Variants in C16orf46 observed in about 807,000 individuals in gnomAD.
The protein encoded by C16orf46 is chromosome 16 open reading frame 46.
In C16orf46, 7 loss-of-function variants were observed where a neutral mutation model predicts 5.5. The ratio of observed to expected loss-of-function variants is 1.28; its 90% CI spans 0.73 to 2.40. The LOEUF (loss-of-function observed/expected upper bound fraction) is 2.40. C16orf46 is among the 30% of genes most tolerant of loss of function. The pLI is 0.00. For missense variants in C16orf46, 614 were observed against 476.0 expected, an observed-to-expected ratio of 1.29 and a Z score of -2.70; for synonymous variants, 200 against 184.1, an observed-to-expected ratio of 1.09 and a Z score of -0.70.
At chr16:81,067,482 T>C (rs932830617) in intron 1 of C16orf46, among the ~76,000 whole-genome samples, 2 of 152,214 alleles carry the variant, frequency 1.3e-5, no homozygotes, top group Non-Finnish European at 2.9e-5. Context: ...TGTGGAATAA[T>C]GATAGAAGCC....
chr16:81,075,039 G>C (rs2151760652), intron 1 of C16orf46, among the ~76,000 whole-genome samples: 1 of 152,270 alleles, frequency 6.6e-6, no homozygotes, highest in Non-Finnish European at 1.5e-5. Context: ...CGTTGAGAAG[G>C]ATGGGTAAAG....
At chr16:81,060,392 T>A (rs890520144), downstream of C16orf46, 2 of 152,568 alleles carry the variant, frequency 1.3e-5, no homozygotes, top group African/African-American at 4.8e-5. Flanking sequence ...CACCACAAAC[T>A]CTGCCTCCCG....
chr16:81,064,322 C>A (rs1303060745), intron 2 of C16orf46, among the ~76,000 whole-genome samples: 2 of 147,098 alleles, frequency 1.4e-5, no homozygotes, highest in African/African-American at 5.0e-5. Context: ...TGAGATTGGC[C>A]ACTGCACTCC....
At chr16:81,062,879 C>CTTTTTTTTTTTTTTTTTTTTT (rs35694573) in intron 3 of C16orf46, among the ~76,000 whole-genome samples, 1 of 138,368 alleles carries the variant, frequency 7.2e-6, no homozygotes. Context: ...TAGTTTTATG[C>CTTTTTTTTTTTTTTTTTTTTT]TTTTTTTTTT....
chr16:81,059,888 A>G (rs770255709), downstream of C16orf46, among the ~76,000 whole-genome samples: 7 of 151,238 alleles, frequency 4.6e-5, no homozygotes, highest in Non-Finnish European at 1.0e-4. Context: ...TCCTGGGTTC[A>G]CGCCATTCTC....
intron 1 of C16orf46, 51 bp downstream of exon 1, chr16:81,077,085 A>C (rs575815516): frequency 6.6e-6 from 1 of 152,312 alleles, no homozygotes; most frequent in South Asian, 2.1e-4. Context: ...TCGCCTTTGG[A>C]GTGGTCCCGG....
chr16:81,064,577 A>T (rs930217183), intron 2 of C16orf46, among the ~76,000 whole-genome samples: 1 of 151,582 alleles, frequency 6.6e-6, no homozygotes, highest in Non-Finnish European at 1.5e-5. Flanking sequence ...GCGAAACCCC[A>T]TCTCTACCAA....
At chr16:81,062,957 G>C (rs1417958024) in intron 3 of C16orf46, among the ~76,000 whole-genome samples, 11 of 148,064 alleles carry the variant, frequency 7.4e-5, no homozygotes, top group Admixed American at 6.9e-4. Context: ...TTAAGAGTAA[G>C]CCTGCAGACC....
chr16:81,077,019 C>T (rs1170139185), intron 1 of C16orf46, 117 bp downstream of exon 1: 1 of 152,500 alleles, frequency 6.6e-6, no homozygotes, highest in African/African-American at 2.4e-5. Flanking sequence ...CACATAGTGC[C>T]TCTGCCTTTC....
At chr16:81,058,649 A>G (rs760871524), downstream of C16orf46, among the ~76,000 whole-genome samples, 19 of 152,210 alleles carry the variant, frequency 1.2e-4, no homozygotes, top group Non-Finnish European at 2.2e-4. Flanking sequence ...AATTTTAAAC[A>G]GTCAGTTATT....
exon 4 of C16orf46, chr16:81,053,901 T>A (rs1288043095): frequency 9.1e-6 from 6 of 656,184 alleles, no homozygotes; most frequent in Non-Finnish European, 1.3e-5. Flanking sequence ...CAGGTGTAAA[T>A]AAGACCTTGC....
At chr16:81,058,323 G>A (rs376666127), downstream of C16orf46, among the ~76,000 whole-genome samples, 335 of 152,268 alleles carry the variant, frequency 2.2e-3, no homozygotes, top group African/African-American at 7.0e-3. Context: ...CTGAGACTGT[G>A]TCCAAGAAAA....
downstream of C16orf46, chr16:81,056,137 A>G (rs1376631351): frequency 6.6e-6 from 1 of 152,240 alleles, no homozygotes. Flanking sequence ...GCTAAGGTGT[A>G]TCCCACAAAG....
intron 1 of C16orf46, among the ~76,000 whole-genome samples, chr16:81,069,604 A>G (rs1971776860): frequency 6.6e-6 from 1 of 152,236 alleles, no homozygotes; most frequent in Admixed American, 6.5e-5. Flanking sequence ...GTAAGAAGCC[A>G]GATTTTGGTG....
rs368168951 is a variant in C16orf46 at position 81,062,151 on chromosome 16, C to T, written c.211-13G>A. 83 of 1,541,372 alleles carry T rather than the reference C, an allele frequency of 5.4e-5. No individual in the cohort carries two copies. The African/African-American group carries it at 5.4e-4, about 10-fold the overall frequency. ...CCCACCCTTGGACCTGCAAATAAAG[C>T]GGCATGTTACTCCTCCAGCTGAGGG... On this transcript the variant is annotated splice_polypyrimidine_tract_variant and intron_variant, in intron 3 of 3. Coordinates refer to ENST00000299578, the MANE Select transcript of C16orf46 (RefSeq NM_152337.3).
chr16:81,064,546 G>C (rs1213991251), intron 2 of C16orf46, among the ~76,000 whole-genome samples: 1 of 151,882 alleles, frequency 6.6e-6, no homozygotes, highest in South Asian at 2.1e-4. Flanking sequence ...TCAGGAGTTC[G>C]AGGACAGCCT....
intron 3 of C16orf46, chr16:81,054,197 C>T: frequency 1.8e-6 from 2 of 1,087,896 alleles, no homozygotes; most frequent in South Asian, 2.7e-5. Context: ...GGATATTCAA[C>T]CATGAAGACT....
At chr16:81,054,673 G>C (rs1219320165) in intron 3 of C16orf46, among the ~76,000 whole-genome samples, 3 of 151,850 alleles carry the variant, frequency 2.0e-5, no homozygotes, top group African/African-American at 7.3e-5. Flanking sequence ...TTTTGAGACA[G>C]TGTCTCACTC....
At chr16:81,060,269 G>T (rs537213967), downstream of C16orf46, 32 of 152,262 alleles carry the variant, frequency 2.1e-4, no homozygotes, top group African/African-American at 7.7e-4. Context: ...GGACGCACAG[G>T]GTCTCCAATG....
Sources: allele counts gnomAD v4.1 joint callset (sites outside exome capture counted in the v4.1 genomes callset), GRCh38; gene constraint gnomAD v4.1.1; transcripts MANE v1.5; gene names NCBI Gene and HGNC (gene_info 2026-07-23, HGNC 2026-07-21).